The following AK1 variants were observed in gnomAD, a reference collection of about 807,000 sequenced individuals.
AK1 encodes the protein adenylate kinase isoenzyme 1.
In AK1, 13 loss-of-function variants were observed where a neutral mutation model predicts 23.9. The ratio of observed to expected loss-of-function variants is 0.54; its 90% CI spans 0.35 to 0.86. The LOEUF is 0.86. AK1 is among the 40% of genes least tolerant of loss of function. AK1 has a pLI of 0.01. For synonymous variants in AK1, 97 were observed against 102.8 expected (o/e 0.94, Z 0.34); for missense variants, 214 against 255.1 (o/e 0.84, Z 1.10).
rs1040060064 is a variant in AK1 at position 127,874,643 on chromosome 9, C to A, written c.-26G>T. The A allele has an allele frequency of 2.5e-6, 4 of 1,613,730 alleles. No individual in the cohort carries two copies. The African/African-American group carries it at 5.3e-5, about 22-fold the overall frequency. On this transcript the variant is annotated 5_prime_UTR_variant, in exon 2 of 7. Transcript: ENST00000644144. ...CCTGCCGAGGTCCCGGGAGCCGTGTCAGTGCTCTGTAAGACAAGGGCACAG... is the reference window on the plus strand; with the variant it reads ...CCTGCCGAGGTCCCGGGAGCCGTGTAAGTGCTCTGTAAGACAAGGGCACAG...
chr9:127,871,693 C>T lies in AK1; in HGVS notation c.324+130G>A, dbSNP rs1009917338. 7.6e-6 allele frequency: 6 copies of T among 792,242 alleles called. No individual in the cohort carries two copies. Among genetic ancestry groups the T allele is most frequent in the Middle Eastern group, 2.3e-4 (1 of 4,272 alleles). 49.1% of individuals were successfully genotyped at this position (792,242 alleles called of 1,614,324 possible). On this transcript the variant is annotated intron_variant, in intron 5 of 6. Coordinates refer to ENST00000644144, the MANE Select transcript of AK1 (RefSeq NM_000476.3). The surrounding 1 kb of genome is among the most constrained non-coding windows in gnomAD (Gnocchi z 4.4). The stretch of plus-strand genomic sequence containing the variant: ...AAAGTCTTCCTGGTTTTCCTCCTCA[C>T]CCACACTCCATGAATCAGCCTCTGC...
At chr9:127,875,208 T>C (rs1477953744) in intron 1 of AK1, among the ~76,000 whole-genome samples, 1 of 151,942 alleles carries the variant, frequency 6.6e-6, no homozygotes, top group African/African-American at 2.4e-5. Flanking sequence ...CCCTTTACAG[T>C]TGTCAAAGTG....
chr9:127,868,554 C>A lies in AK1; in HGVS notation c.325-42G>T. 1 of 1,547,610 alleles carries A rather than the reference C, an allele frequency of 6.5e-7. No homozygotes were observed. The highest frequency in any genetic ancestry group is 8.7e-7 in the Non-Finnish European group (1 of 1,145,328). On this transcript the variant is annotated intron_variant, in intron 5 of 6. Transcript: ENST00000644144. This position sits in a 1 kb window ranked among gnomAD's most constrained non-coding sequence, Gnocchi z 4.1. ...TGTCACAGGGACCCCATTCCTGCCC[C>A]CTAGGGCCATCTCCTCCCCATCTTC...
chr9:127,868,405 C>T lies in AK1; in HGVS notation c.432G>A (p.Glu144=). Residue 144 remains glutamate, a synonymous_variant, in exon 6 of 7, where the codon GAG becomes GAA. Coordinates refer to ENST00000644144, the MANE Select transcript of AK1 (RefSeq NM_000476.3). The surrounding 1 kb of genome is among the most constrained non-coding windows in gnomAD (Gnocchi z 4.1). Reference sequence around the variant, plus strand: ...AGGTCTCCAGCCGCTTTTTGATGGTCTCCTCATTGTCGTCCACACGCCCGC... The same window carrying T: ...AGGTCTCCAGCCGCTTTTTGATGGTTTCCTCATTGTCGTCCACACGCCCGC... The part of the protein sequence containing the change: ...ETSGRVDDNE[E]TIKKRLETYY... The T allele has an allele frequency of 1.9e-6, 3 of 1,612,562 alleles. No individual in the cohort carries two copies.
chr9:127,874,272 G>A (rs964834373), intron 2 of AK1: 8 of 985,306 alleles, frequency 8.1e-6, no homozygotes, highest in African/African-American at 1.7e-5. Flanking sequence ...GAGTCCCGGA[G>A]AGGTACGGGG....
chr9:127,873,481 GC>G, intron 2 of AK1: 2 of 1,470,340 alleles, frequency 1.4e-6, no homozygotes, highest in Non-Finnish European at 9.0e-7. Context: ...TGTGCACCCT[GC>G]CCTTCCCCTC....
intron 4 of AK1, 130 bp from the exon 5 acceptor site, chr9:127,872,069 C>G: frequency 5.1e-6 from 4 of 783,354 alleles, no homozygotes; most frequent in East Asian, 2.6e-5. Flanking sequence ...CAAGCCTCCC[C>G]CTCCAGGAAG....
chr9:127,878,203 A>T (rs114398415), upstream of AK1, among the ~76,000 whole-genome samples: 882 of 152,182 alleles, frequency 5.8e-3, 8 homozygotes, highest in African/African-American at 0.021. Flanking sequence ...GTTGGGAGGG[A>T]CCCTTCGAGC....
At chr9:127,870,024 T>A (rs1829351145) in intron 5 of AK1, among the ~76,000 whole-genome samples, 1 of 152,080 alleles carries the variant, frequency 6.6e-6, no homozygotes, top group Non-Finnish European at 1.5e-5. Context: ...GCTTTGGGTG[T>A]GAGCCGGCCA....
chr9:127,869,493 G>C (rs965742210), intron 5 of AK1: 1 of 152,300 alleles, frequency 6.6e-6, no homozygotes, highest in Non-Finnish European at 1.5e-5. Context: ...GCGAGAAGCA[G>C]CCTGACCTCC....
At position 127,877,333 on chromosome 9, in the gene AK1, G is replaced by A. The variant is rs1829563835; in HGVS notation, c.-33+290C>T. 6.6e-6 allele frequency among the ~76,000 whole-genome samples: 1 copy of A among 152,104 alleles called. No individual in the cohort carries two copies. The highest frequency in any genetic ancestry group is 2.1e-4 in the South Asian group (1 of 4,814). On this transcript the variant is annotated intron_variant, in intron 1 of 6. Coordinates refer to ENST00000644144, the MANE Select transcript of AK1 (RefSeq NM_000476.3). The surrounding 1 kb of genome is among the most constrained non-coding windows in gnomAD (Gnocchi z 5.2). The stretch of plus-strand genomic sequence containing the variant: ...GCCAAGGGCAGTGACCTGGAGCCCC[G>A]GGAGTGCCAGCCAGAACAAAGGGGT...
chr9:127,872,330 GGAGTA>G (rs2131403062), intron 4 of AK1, among the ~76,000 whole-genome samples: 1 of 152,078 alleles, frequency 6.6e-6, no homozygotes, highest in East Asian at 1.9e-4. Flanking sequence ...TGGGGCTTCT[GGAGTA>G]GAAAATTGGG....
intron 1 of AK1, among the ~76,000 whole-genome samples, chr9:127,876,303 C>T (rs1457850201): frequency 6.6e-6 from 1 of 152,232 alleles, no homozygotes; most frequent in Admixed American, 6.5e-5. Flanking sequence ...CCTGGGATCC[C>T]ATTGACTGGG....
In AK1 at chr9:127,872,823, C is replaced by A; in HGVS notation, c.74G>T (p.Cys25Phe). The change falls in exon 4 of 7, where the codon TGT (cysteine) becomes TTT (phenylalanine). Residue 25 changes from cysteine to phenylalanine, a missense_variant. Coordinates refer to ENST00000644144, the MANE Select transcript of AK1 (RefSeq NM_000476.3). ...GGPGSGKGTQ[C>F]EKIVQKYGYT... ...GCCATACTTCTGCACGATCTTCTCA[C>A]ACTGGGTGCCCTTCCCTGAGCCAGG... The A allele has an allele frequency of 6.2e-7, 1 of 1,614,130 alleles. No individual in the cohort carries two copies. Among genetic ancestry groups the A allele is most frequent in the South Asian group, 1.1e-5 (1 of 91,084 alleles).
chr9:127,870,168 C>T (rs984876946), intron 5 of AK1, among the ~76,000 whole-genome samples: 22 of 149,412 alleles, frequency 1.5e-4, no homozygotes, highest in African/African-American at 3.7e-4. Context: ...CGGCCCTCAG[C>T]GGCACCTACA....
rs1354057054 is a variant in AK1 at position 127,868,846 on chromosome 9, T to G, written c.325-334A>C. On this transcript the variant is annotated intron_variant, in intron 5 of 6. Transcript: ENST00000644144. This position sits in a 1 kb window ranked among gnomAD's most constrained non-coding sequence, Gnocchi z 4.1. ...TGCTAGGAGCCCTCTCCCCCGAGCC[T>G]GATCCTAACTCGCCTTCACCTCAAT... is the stretch of plus-strand genomic sequence containing the variant. 6.6e-6 allele frequency among the ~76,000 whole-genome samples: 1 copy of G among 152,320 alleles called. No homozygotes were observed. The highest frequency in any genetic ancestry group is 1.5e-5 in the Non-Finnish European group (1 of 68,024).
In AK1 at chr9:127,874,150, G is replaced by A. The variant is rs1327302739; in HGVS notation, c.7+461C>T. 6 of 985,316 alleles carry A rather than the reference G, an allele frequency of 6.1e-6. No homozygotes were observed. In the African/African-American group the frequency reaches 8.7e-5, roughly 14 times the overall value. 61.0% of individuals were successfully genotyped at this position (985,316 alleles called of 1,614,324 possible). ...TGGTGCTGCCAGCAGCTGAGGGCGG[G>A]CCCGTTCTGGACTCTCTGCCTGCCC... is the stretch of plus-strand genomic sequence containing the variant. On this transcript the variant is annotated intron_variant, in intron 2 of 6. Coordinates refer to ENST00000644144, the MANE Select transcript of AK1 (RefSeq NM_000476.3).
chr9:127,878,047 C>A (rs1195801204), upstream of AK1, among the ~76,000 whole-genome samples: 1 of 152,222 alleles, frequency 6.6e-6, no homozygotes, highest in African/African-American at 2.4e-5. Context: ...AATCCCACAG[C>A]GCATTGGTGC....
At chr9:127,874,525 C>A in intron 2 of AK1, 86 bp downstream of exon 2, 1 of 1,610,984 alleles carries the variant, frequency 6.2e-7, no homozygotes, top group South Asian at 1.1e-5. Flanking sequence ...CCAACCCCTC[C>A]CAGAATGTCT....
Sources: gnomAD v4.1 joint callset for allele counts (sites outside exome capture counted in the v4.1 genomes callset) on GRCh38, gnomAD v4.1.1 for gene constraint, Gnocchi (gnomAD v3.1) non-coding constraint, MANE v1.5 for transcripts, NCBI Gene and HGNC (gene_info 2026-07-23, HGNC 2026-07-21) for gene names.